GALNT18: variants seen among roughly 807,000 people sequenced by gnomAD.
The protein encoded by GALNT18 is polypeptide N-acetylgalactosaminyltransferase 18, also known as GalNAc-transferase 18.
Under a neutral mutation model 69.5 loss-of-function variants are expected in GALNT18, and 44 were observed. The ratio of observed to expected loss-of-function variants is 0.63; its 90% CI spans 0.50 to 0.81. GALNT18 has a LOEUF of 0.81. Among genes scored for constraint, GALNT18 ranks in the 40% least tolerant of loss-of-function variants. The pLI is 0.00. For missense variants in GALNT18, 715 were observed against 810.0 expected (o/e 0.88, Z 1.42); for synonymous variants, 364 against 318.2 (o/e 1.14, Z -1.53).
At position 11,389,671 on chromosome 11, in the gene GALNT18, A is replaced by G. The variant is rs1854137233; in HGVS notation, c.596-10407T>C. Among the ~76,000 whole-genome samples the G allele has an allele frequency of 6.6e-6, 1 of 152,188 alleles. No individual in the cohort carries two copies. Among genetic ancestry groups the G allele is most frequent in the Non-Finnish European group, 1.5e-5 (1 of 68,024 alleles). On this transcript the variant is annotated intron_variant, in intron 3 of 10. Transcript: ENST00000227756. This position sits in a 1 kb window ranked among gnomAD's most constrained non-coding sequence, Gnocchi z 4.3. ...CCTCCAGCTTAGGAGTACTGAGAAG[A>G]GTCCTCCCATGAGCTTCTAGGGAGG...
At position 11,454,892 on chromosome 11, in the gene GALNT18, A is replaced by G. The variant is rs1429642922; in HGVS notation, c.236-5956T>C. On this transcript the variant is annotated intron_variant, in intron 1 of 10. Transcript: ENST00000227756. The surrounding 1 kb of genome is among the most constrained non-coding windows in gnomAD (Gnocchi z 4.2). ...CCCTCCAGAGGACACTAATCACTCCACCCTTGAAGAGAAAGGTACAGTTGA... is the reference window on the plus strand; with the variant it reads ...CCCTCCAGAGGACACTAATCACTCCGCCCTTGAAGAGAAAGGTACAGTTGA... Among the ~76,000 whole-genome samples the G allele has an allele frequency of 6.6e-6, 1 of 152,166 alleles. No individual in the cohort carries two copies. Among genetic ancestry groups the G allele is most frequent in the African/African-American group, 2.4e-5 (1 of 41,432 alleles).
chr11:11,521,286 A>C (rs1441760346), intron 1 of GALNT18, among the ~76,000 whole-genome samples: 1 of 152,076 alleles, frequency 6.6e-6, no homozygotes, highest in Non-Finnish European at 1.5e-5. Flanking sequence ...AAACTAGCAA[A>C]CATTTTTAAA....
intron 3 of GALNT18, among the ~76,000 whole-genome samples, chr11:11,401,888 G>A (rs897183737): frequency 6.6e-6 from 1 of 152,220 alleles, no homozygotes; most frequent in Non-Finnish European, 1.5e-5. Context: ...ATAGAGGTGT[G>A]TACAGATAGC....
rs532818765 is a variant in GALNT18 at position 11,617,286 on chromosome 11, G to A, written c.235+4073C>T. Among the ~76,000 whole-genome samples the A allele has an allele frequency of 7.2e-5, 11 of 152,276 alleles. No homozygotes were observed. Among genetic ancestry groups the A allele is most frequent in the African/African-American group, 2.2e-4 (9 of 41,540 alleles). On this transcript the variant is annotated intron_variant, in intron 1 of 10. Transcript: ENST00000227756. The surrounding 1 kb of genome is among the most constrained non-coding windows in gnomAD (Gnocchi z 4.7). ...ATTAACTAACTCAAGCCCTGACCAC[G>A]TTGACTAAAAGGGATTCTTTGTCCT...
rs533388109 is a variant in GALNT18 at position 11,493,368 on chromosome 11, A to G, written c.236-44432T>C. 2.0e-5 allele frequency among the ~76,000 whole-genome samples: 3 copies of G among 152,002 alleles called. No homozygotes were observed. The East Asian group carries it at 5.8e-4, about 29-fold the overall frequency. Reference sequence around the variant, plus strand: ...TTTGGGCAGCTTCTCTTCACAGCCTAAAGCCAGAGACTACTCAAGAAACAA... The same window carrying G: ...TTTGGGCAGCTTCTCTTCACAGCCTGAAGCCAGAGACTACTCAAGAAACAA... On this transcript the variant is annotated intron_variant, in intron 1 of 10. Coordinates refer to ENST00000227756, the MANE Select transcript of GALNT18 (RefSeq NM_198516.3).
rs571862111 is a variant in GALNT18 at position 11,314,086 on chromosome 11, C to T, written c.1512+13000G>A. Among the ~76,000 whole-genome samples the T allele has an allele frequency of 3.3e-3, 506 of 152,216 alleles. 1 individual carries two copies. The highest frequency in any genetic ancestry group is 5.5e-3 in the Non-Finnish European group (375 of 68,018). On this transcript the variant is annotated intron_variant, in intron 9 of 10. Coordinates refer to ENST00000227756, the MANE Select transcript of GALNT18 (RefSeq NM_198516.3). The surrounding 1 kb of genome is among the most constrained non-coding windows in gnomAD (Gnocchi z 5.2). ...CTTGGCAGAGAGCACAGAGCCAAGG[C>T]GGGATCTAAAATTAGCTCCTCTGTC... is the stretch of plus-strand genomic sequence containing the variant.
chr11:11,515,559 A>G (rs991110537), intron 1 of GALNT18, among the ~76,000 whole-genome samples: 1 of 152,192 alleles, frequency 6.6e-6, no homozygotes, highest in African/African-American at 2.4e-5. Context: ...GAGGGACAAC[A>G]AAACAAATAA....
chr11:11,583,812 T>C lies in GALNT18; in HGVS notation c.235+37547A>G, dbSNP rs987870659. Among the ~76,000 whole-genome samples, 1 of 152,166 alleles carries C rather than the reference T, an allele frequency of 6.6e-6. No homozygotes were observed. Among genetic ancestry groups the C allele is most frequent in the African/African-American group, 2.4e-5 (1 of 41,446 alleles). On this transcript the variant is annotated intron_variant, in intron 1 of 10. Coordinates refer to ENST00000227756, the MANE Select transcript of GALNT18 (RefSeq NM_198516.3). This position sits in a 1 kb window ranked among gnomAD's most constrained non-coding sequence, Gnocchi z 4.7. The stretch of plus-strand genomic sequence containing the variant: ...CAGTAATGGTTAAGCTCACATGATG[T>C]GCAAGGCATTCACTGGGCTAGGAGG...
rs912696513 is a variant in GALNT18 at position 11,316,792 on chromosome 11, G to C, written c.1512+10294C>G. Among the ~76,000 whole-genome samples the C allele has an allele frequency of 5.3e-5, 8 of 152,340 alleles. No homozygotes were observed. In the East Asian group the frequency reaches 1.5e-3, roughly 29 times the overall value. On this transcript the variant is annotated intron_variant, in intron 9 of 10. Coordinates refer to ENST00000227756, the MANE Select transcript of GALNT18 (RefSeq NM_198516.3). ...TCTCTTTTTGTGGGCTAGTGGGAAA[G>C]GAGTGTGGAGCAGTAGGTTGTAAGA...
At position 11,543,049 on chromosome 11, in the gene GALNT18, C is replaced by G. The variant is rs894081242; in HGVS notation, c.235+78310G>C. Among the ~76,000 whole-genome samples, 3 of 152,138 alleles carry G rather than the reference C, an allele frequency of 2.0e-5. No individual in the cohort carries two copies. Among genetic ancestry groups the G allele is most frequent in the Admixed American group, 6.5e-5 (1 of 15,286 alleles). On this transcript the variant is annotated intron_variant, in intron 1 of 10. Transcript: ENST00000227756. The surrounding 1 kb of genome is among the most constrained non-coding windows in gnomAD (Gnocchi z 5.1). ...AAGGTTGTTTCAGGCACTAAATGCA[C>G]CAGTGTGTCTAAAGTATTTGGGAAG...
intron 1 of GALNT18, among the ~76,000 whole-genome samples, chr11:11,484,417 AC>A (rs1196138394): frequency 2.0e-5 from 3 of 151,706 alleles, no homozygotes; most frequent in Admixed American, 1.3e-4. Flanking sequence ...ACATGGAGAA[AC>A]CCCCACCTCT....
At chr11:11,329,355 C>T (rs949945548) in intron 8 of GALNT18, among the ~76,000 whole-genome samples, 2 of 152,188 alleles carry the variant, frequency 1.3e-5, no homozygotes, top group Non-Finnish European at 2.9e-5. Flanking sequence ...ACCTAATTCT[C>T]ATAATGACTA....
At chr11:11,326,568 G>T (rs1006959027) in intron 9 of GALNT18, among the ~76,000 whole-genome samples, 3 of 152,124 alleles carry the variant, frequency 2.0e-5, no homozygotes, top group Non-Finnish European at 2.9e-5. Flanking sequence ...CCTGGTAGCT[G>T]CCCTTCATTC....
At chr11:11,282,906 G>GTA (rs1164677388) in intron 10 of GALNT18, among the ~76,000 whole-genome samples, 1 of 150,616 alleles carries the variant, frequency 6.6e-6, no homozygotes, top group East Asian at 2.0e-4. Flanking sequence ...TGATAAGGTT[G>GTA]TATACAAAAA....
chr11:11,516,616 G>A (rs1857283111), intron 1 of GALNT18, among the ~76,000 whole-genome samples: 1 of 152,164 alleles, frequency 6.6e-6, no homozygotes, highest in East Asian at 1.9e-4. Flanking sequence ...GGGCAACACA[G>A]TGAAACTCCA....
chr11:11,352,550 G>A (rs771045876), intron 6 of GALNT18: 1 of 1,614,084 alleles, frequency 6.2e-7, no homozygotes, highest in African/African-American at 1.3e-5. Flanking sequence ...AAGCAACTCG[G>A]ACATTATATT....
chr11:11,274,204 G>T (rs968839870), intron 10 of GALNT18, among the ~76,000 whole-genome samples: 2 of 152,194 alleles, frequency 1.3e-5, no homozygotes, highest in Non-Finnish European at 2.9e-5. Flanking sequence ...CCAGGACCAG[G>T]TGTCTATACC....
rs1372034251 is a variant in GALNT18, at chr11:11,338,972, T to C, written c.1278+1847A>G. 6.6e-6 allele frequency among the ~76,000 whole-genome samples: 1 copy of C among 152,146 alleles called. No homozygotes were observed. The highest frequency in any genetic ancestry group is 1.5e-5 in the Non-Finnish European group (1 of 68,022). On this transcript the variant is annotated intron_variant, in intron 7 of 10. Coordinates refer to ENST00000227756, the MANE Select transcript of GALNT18 (RefSeq NM_198516.3). This position sits in a 1 kb window ranked among gnomAD's most constrained non-coding sequence, Gnocchi z 5.3. Reference sequence around the variant, plus strand: ...ATCCTATAGGTTAAAGACCTTAAAATGTCCATTAAATTAAGCATTTGGGAG... The same window carrying C: ...ATCCTATAGGTTAAAGACCTTAAAACGTCCATTAAATTAAGCATTTGGGAG...
intron 9 of GALNT18, among the ~76,000 whole-genome samples, chr11:11,304,840 T>G (rs1849553334): frequency 6.6e-6 from 1 of 152,256 alleles, no homozygotes; most frequent in South Asian, 2.1e-4. Context: ...TCTCTGCCAC[T>G]GGACCTGCAG....
Sources: gnomAD v4.1 joint callset for allele counts (sites outside exome capture counted in the v4.1 genomes callset) on GRCh38, gnomAD v4.1.1 for gene constraint, Gnocchi (gnomAD v3.1) non-coding constraint, MANE v1.5 for transcripts, NCBI Gene and HGNC (gene_info 2026-07-23, HGNC 2026-07-21) for gene names.